The following UBE2E1 variants were observed in gnomAD, a reference collection of about 807,000 sequenced individuals.
UBE2E1 encodes the protein ubiquitin conjugating enzyme E2 E1, also known as ubiquitin-conjugating enzyme E2 E1.
Under a neutral mutation model 21.4 loss-of-function variants are expected in UBE2E1, and 6 were observed. The observed-to-expected ratio is 0.28, with a 90% CI of 0.15 to 0.55. The LOEUF is 0.55. Among genes scored for constraint, UBE2E1 ranks in the 20% least tolerant of loss-of-function variants. The pLI is 0.93. For missense variants in UBE2E1, 142 were observed against 236.5 expected, an observed-to-expected ratio of 0.60 and a Z score of 2.62; for synonymous variants, 87 against 82.7, an observed-to-expected ratio of 1.05 and a Z score of -0.28.
intron 3 of UBE2E1, among the ~76,000 whole-genome samples, chr3:23,831,250 C>G (rs557891229): frequency 6.6e-6 from 1 of 152,330 alleles, no homozygotes; most frequent in Admixed American, 6.5e-5. Context: ...CTCTCCAACT[C>G]TCATCTATGC....
rs1037715795 is a variant in UBE2E1 at position 23,863,333 on chromosome 3, G to T, written c.204-24234G>T. On this transcript the variant is annotated intron_variant, in intron 3 of 5. Coordinates refer to ENST00000306627, the MANE Select transcript of UBE2E1 (RefSeq NM_003341.5). The surrounding 1 kb of genome is among the most constrained non-coding windows in gnomAD (Gnocchi z 4.3). ...ATTATGTGAGCATTATTCACATGTG[G>T]TTACTTTTCCTTCCTTGCTTGACTA... Among the ~76,000 whole-genome samples the T allele has an allele frequency of 6.6e-6, 1 of 151,932 alleles. No individual in the cohort carries two copies. The highest frequency in any genetic ancestry group is 2.4e-5 in the African/African-American group (1 of 41,342).
chr3:23,885,886 AAAC>A (rs1701171146), intron 3 of UBE2E1, among the ~76,000 whole-genome samples: 5 of 151,218 alleles, frequency 3.3e-5, no homozygotes, highest in African/African-American at 1.2e-4. Context: ...AAAACAAAAC[AAAC>A]AAAAAAACTC....
chr3:23,849,275 C>G (rs775791476), intron 3 of UBE2E1, among the ~76,000 whole-genome samples: 1 of 151,894 alleles, frequency 6.6e-6, no homozygotes, highest in Non-Finnish European at 1.5e-5. Context: ...TTGTAGTTAG[C>G]CTAGTGAGTG....
At position 23,831,117 on chromosome 3, in the gene UBE2E1, G is replaced by T. The variant is rs1363912139; in HGVS notation, c.203+19607G>T. ...TTAGCTAAGACTCTTTATGTTGCAG[G>T]TAACAGCAGTCTAATTAATTCATTT... On this transcript the variant is annotated intron_variant, in intron 3 of 5. Transcript: ENST00000306627. 2.6e-5 allele frequency among the ~76,000 whole-genome samples: 4 copies of T among 152,168 alleles called. No individual in the cohort carries two copies. The East Asian group carries it at 7.7e-4, about 29-fold the overall frequency.
At position 23,823,844 on chromosome 3, in the gene UBE2E1, T is replaced by G. The variant is rs1699696386; in HGVS notation, c.203+12334T>G. ...ACTACTTGCTAGTATATCACACTGC[T>G]TTGGCCTTTTTCTGAGTAACCCTCT... On this transcript the variant is annotated intron_variant, in intron 3 of 5. Transcript: ENST00000306627. The surrounding 1 kb of genome is among the most constrained non-coding windows in gnomAD (Gnocchi z 4.2). 6.6e-6 allele frequency among the ~76,000 whole-genome samples: 1 copy of G among 152,226 alleles called. No individual in the cohort carries two copies. Among genetic ancestry groups the G allele is most frequent in the Non-Finnish European group, 1.5e-5 (1 of 68,044 alleles).
intron 3 of UBE2E1, among the ~76,000 whole-genome samples, chr3:23,871,918 G>T (rs1348584362): frequency 6.6e-6 from 1 of 150,632 alleles, no homozygotes; most frequent in Non-Finnish European, 1.5e-5. Flanking sequence ...GGCTCCTCAC[G>T]TCCCAGACGA....
At position 23,880,362 on chromosome 3, in the gene UBE2E1, G is replaced by T. The variant is rs148530103; in HGVS notation, c.204-7205G>T. ...GGCACCACTGCACTCTAGCCTGGAT[G>T]ACACAAGCGAAGCTCTGTCTTAAAA... is the stretch of plus-strand genomic sequence containing the variant. On this transcript the variant is annotated intron_variant, in intron 3 of 5. Coordinates refer to ENST00000306627, the MANE Select transcript of UBE2E1 (RefSeq NM_003341.5). Among the ~76,000 whole-genome samples, 602 of 152,276 alleles carry T rather than the reference G, an allele frequency of 4.0e-3. 5 individuals are homozygous for T. The highest frequency in any genetic ancestry group is 0.013 in the African/African-American group (540 of 41,566).
At chr3:23,831,537 G>T (rs1391588117) in intron 3 of UBE2E1, among the ~76,000 whole-genome samples, 1 of 85,464 alleles carries the variant, frequency 1.2e-5, no homozygotes, top group African/African-American at 3.8e-5. Context: ...TTTTTTTCGA[G>T]ACATGGTCCC....
intron 3 of UBE2E1, among the ~76,000 whole-genome samples, chr3:23,850,559 CCA>C (rs1302925071): frequency 6.6e-6 from 1 of 151,398 alleles, no homozygotes; most frequent in African/African-American, 2.4e-5. Flanking sequence ...TGTTCAGTCA[CCA>C]GAGCAGTGGT....
At chr3:23,867,068 C>CT (rs949496869) in intron 3 of UBE2E1, among the ~76,000 whole-genome samples, 3,682 of 144,314 alleles carry the variant, frequency 0.026, 51 homozygotes, top group African/African-American at 0.045. Context: ...TTCTCCTCAT[C>CT]TTTTTTTTTT....
intron 3 of UBE2E1, among the ~76,000 whole-genome samples, chr3:23,871,701 C>A (rs1478972005): frequency 6.6e-6 from 1 of 150,674 alleles, no homozygotes; most frequent in African/African-American, 2.4e-5. Context: ...GACGGGGTCG[C>A]GGCCGGGTAG....
intron 3 of UBE2E1, among the ~76,000 whole-genome samples, chr3:23,860,675 T>C (rs957989232): frequency 3.3e-5 from 5 of 152,244 alleles, no homozygotes; most frequent in African/African-American, 1.2e-4. Flanking sequence ...TAAATGTGTT[T>C]CTTTCCCATA....
At chr3:23,809,069 A>G (rs948997944) in intron 2 of UBE2E1, among the ~76,000 whole-genome samples, 4 of 152,206 alleles carry the variant, frequency 2.6e-5, no homozygotes, top group African/African-American at 9.6e-5. Flanking sequence ...TTAAGAATTT[A>G]TTTGGAAGTT....
intron 3 of UBE2E1, among the ~76,000 whole-genome samples, chr3:23,846,795 G>A (rs1410058389): frequency 6.6e-6 from 1 of 151,812 alleles, no homozygotes; most frequent in Non-Finnish European, 1.5e-5. Flanking sequence ...ATTTGAGATG[G>A]AATTGTTAAA....
intron 3 of UBE2E1, among the ~76,000 whole-genome samples, chr3:23,822,238 C>A (rs1399926145): frequency 1.4e-4 from 22 of 152,080 alleles, no homozygotes; most frequent in Admixed American, 1.4e-3. Flanking sequence ...ACGTGTCAAA[C>A]CTGGTTTAGA....
intron 3 of UBE2E1, among the ~76,000 whole-genome samples, chr3:23,883,904 CAAAAA>C (rs35520751): frequency 2.3e-5 from 2 of 87,246 alleles, no homozygotes; most frequent in Admixed American, 1.3e-4. Context: ...TGACAGATCT[CAAAAA>C]AAAAAAAAAA....
chr3:23,828,435 AAGTT>A (rs758000876), intron 3 of UBE2E1, among the ~76,000 whole-genome samples: 32 of 152,222 alleles, frequency 2.1e-4, no homozygotes, highest in Non-Finnish European at 4.4e-4. Context: ...AGTGATTAAA[AAGTT>A]AGGTATTTAA....
intron 3 of UBE2E1, among the ~76,000 whole-genome samples, chr3:23,854,508 C>G (rs563239635): frequency 6.6e-6 from 1 of 152,320 alleles, no homozygotes; most frequent in East Asian, 1.9e-4. Flanking sequence ...CATCCTTGGC[C>G]TGAAGCCTTC....
chr3:23,878,297 C>T (rs1331805057), intron 3 of UBE2E1, among the ~76,000 whole-genome samples: 1 of 152,198 alleles, frequency 6.6e-6, no homozygotes, highest in African/African-American at 2.4e-5. Flanking sequence ...AGACACACTG[C>T]ATTTGTCAAA....
Sources: gnomAD v4.1 joint callset for allele counts (sites outside exome capture counted in the v4.1 genomes callset) on GRCh38, gnomAD v4.1.1 for gene constraint, Gnocchi (gnomAD v3.1) non-coding constraint, MANE v1.5 for transcripts, NCBI Gene and HGNC (gene_info 2026-07-23, HGNC 2026-07-21) for gene names.